The following DHRS4L2 variants were observed in gnomAD, a reference collection of about 807,000 sequenced individuals.
The protein encoded by DHRS4L2 is dehydrogenase/reductase 4 like 2, also known as dehydrogenase/reductase SDR family member 4-like 2.
A neutral mutation model predicts 23.9 loss-of-function variants in DHRS4L2; 22 were observed. The ratio of observed to expected loss-of-function variants is 0.92; its 90% CI spans 0.66 to 1.31. The LOEUF is 1.31. DHRS4L2 is among the 40% of genes most tolerant of loss of function. The pLI is 0.00. For synonymous variants in DHRS4L2, 141 were observed against 123.7 expected (o/e 1.14, Z -0.93); for missense variants, 385 against 303.3 (o/e 1.27, Z -2.00).
intron 1 of DHRS4L2, among the ~76,000 whole-genome samples, chr14:23,972,528 G>C (rs1227490857): frequency 6.6e-6 from 1 of 151,948 alleles, no homozygotes; most frequent in Non-Finnish European, 1.5e-5. Context: ...AAAGAACAAA[G>C]CTTCCACAGT....
At chr14:23,984,140 T>G (rs1594458353), upstream of DHRS4L2, among the ~76,000 whole-genome samples, 1 of 151,726 alleles carries the variant, frequency 6.6e-6, no homozygotes, top group South Asian at 2.1e-4. Flanking sequence ...TAATCTCATT[T>G]GTGGAAACAA....
chr14:24,001,957 C>CTTGT (rs2034497756), intron 6 of DHRS4L2, among the ~76,000 whole-genome samples: 3 of 5,516 alleles, frequency 5.4e-4, no homozygotes, highest in Admixed American at 5.2e-3. Context: ...CTTTCCTCTT[C>CTTGT]TTTTTTTTTT....
chr14:23,979,243 C>T (rs928293568), intron 1 of DHRS4L2, among the ~76,000 whole-genome samples: 1 of 147,820 alleles, frequency 6.8e-6, no homozygotes, highest in African/African-American at 2.5e-5. Flanking sequence ...GAAGAGCTAA[C>T]TATCCTAAAT....
chr14:23,995,177 A>G (rs777997006), intron 3 of DHRS4L2, 44 bp downstream of exon 3: 2 of 1,597,508 alleles, frequency 1.3e-6, no homozygotes, highest in East Asian at 2.2e-5. Flanking sequence ...CTCGGGACAC[A>G]TTCAGCACAA....
At chr14:23,994,581 G>A (rs1301501340) in intron 2 of DHRS4L2, among the ~76,000 whole-genome samples, 1 of 151,416 alleles carries the variant, frequency 6.6e-6, no homozygotes, top group Non-Finnish European at 1.5e-5. Context: ...TCAACTACTT[G>A]GGGGGCTGAG....
chr14:23,996,283 T>G (rs1287257236), intron 3 of DHRS4L2, among the ~76,000 whole-genome samples: 1 of 151,364 alleles, frequency 6.6e-6, no homozygotes, highest in African/African-American at 2.4e-5. Context: ...ACTTACCAAC[T>G]ATATCAGGTG....
intron 1 of DHRS4L2, among the ~76,000 whole-genome samples, chr14:23,972,249 T>C (rs1017623205): frequency 6.6e-5 from 10 of 151,992 alleles, no homozygotes; most frequent in African/African-American, 7.2e-5. Context: ...TGTTCAGACA[T>C]GTTCAGAGTT....
At chr14:23,971,128 C>G (rs1015887947) in intron 1 of DHRS4L2, among the ~76,000 whole-genome samples, 2 of 152,016 alleles carry the variant, frequency 1.3e-5, no homozygotes, top group African/African-American at 4.8e-5. Context: ...AGCAAGGGAA[C>G]AAAACTGGAT....
upstream of DHRS4L2, among the ~76,000 whole-genome samples, chr14:23,987,497 G>T (rs1339391179): frequency 6.6e-6 from 1 of 151,538 alleles, no homozygotes. Context: ...GAGCAAACAT[G>T]AATTCTATTC....
chr14:23,977,718 A>C (rs1028549722), intron 1 of DHRS4L2, among the ~76,000 whole-genome samples: 10 of 151,688 alleles, frequency 6.6e-5, no homozygotes, highest in African/African-American at 2.2e-4. Context: ...AGAGAGAATT[A>C]AATGACATCA....
At chr14:23,992,482 C>T (rs1227453461) in intron 2 of DHRS4L2, among the ~76,000 whole-genome samples, 1 of 151,342 alleles carries the variant, frequency 6.6e-6, no homozygotes, top group Non-Finnish European at 1.5e-5. Flanking sequence ...AAGCCACTGC[C>T]CTGAGAATGG....
chr14:23,999,367 A>AAAAAAAAAAAAAAAAAAC (rs1555330042), intron 3 of DHRS4L2, among the ~76,000 whole-genome samples: 1 of 116,774 alleles, frequency 8.6e-6, no homozygotes, highest in South Asian at 3.2e-4. Flanking sequence ...AAAAAAAAAA[A>AAAAAAAAAAAAAAAAAAC]AAAAAAACAA....
At chr14:23,974,083 G>C (rs1216349474) in intron 1 of DHRS4L2, among the ~76,000 whole-genome samples, 1 of 151,728 alleles carries the variant, frequency 6.6e-6, no homozygotes, top group African/African-American at 2.4e-5. Context: ...TAGAACTCAG[G>C]ACTGAAAAAC....
Position 24,006,177 on chromosome 14 carries a change from CCTG to C in DHRS4L2, c.*318_*320del, listed in dbSNP as rs2034575316. The C allele has an allele frequency of 7.6e-7, 1 of 1,312,946 alleles. No individual in the cohort carries two copies. Among genetic ancestry groups the C allele is most frequent in the African/African-American group, 1.5e-5 (1 of 64,948 alleles). The allele number at this position is 1,312,946 out of a possible 1,614,324, so 81.3% of individuals were successfully genotyped here. ...TCAAGGTGGCGTCTTACTCGGGATTCCTGCTGTTGTTGTGGCCTTGGGTAAAGG... is the reference window on the plus strand; with the variant it reads ...TCAAGGTGGCGTCTTACTCGGGATTCCTGTTGTTGTGGCCTTGGGTAAAGG... On this transcript the variant is annotated 3_prime_UTR_variant, in exon 8 of 8. Coordinates refer to ENST00000335125, the MANE Select transcript of DHRS4L2 (RefSeq NM_198083.4).
chr14:23,970,596 G>T (rs2033835016), intron 1 of DHRS4L2, among the ~76,000 whole-genome samples: 1 of 152,086 alleles, frequency 6.6e-6, no homozygotes, highest in African/African-American at 2.4e-5. Context: ...GTCCTTGCCT[G>T]ACATCTCTAA....
intron 3 of DHRS4L2, among the ~76,000 whole-genome samples, chr14:23,997,884 G>T (rs562484266): frequency 6.6e-6 from 1 of 151,900 alleles, no homozygotes; most frequent in African/African-American, 2.4e-5. Flanking sequence ...CTAAAATGGT[G>T]CATCCTTTAC....
At chr14:23,971,686 A>AG (rs2033860547) in intron 1 of DHRS4L2, among the ~76,000 whole-genome samples, 1 of 152,060 alleles carries the variant, frequency 6.6e-6, no homozygotes, top group Admixed American at 6.5e-5. Context: ...ACATTCTGAA[A>AG]GAAAAGATTT....
At position 23,994,571 on chromosome 14, in the gene DHRS4L2, T is replaced by C. The variant is rs1378106256; in HGVS notation, c.307-461T>C. On this transcript the variant is annotated intron_variant, in intron 2 of 7. Transcript: ENST00000335125. Reference sequence around the variant, plus strand: ...GGTGTGGTGGCACGCACTTCTACTCTCAACTACTTGGGGGGCTGAGCCAAG... The same window carrying C: ...GGTGTGGTGGCACGCACTTCTACTCCCAACTACTTGGGGGGCTGAGCCAAG... 1.5e-3 allele frequency among the ~76,000 whole-genome samples: 225 copies of C among 150,920 alleles called. 2 individuals carry two copies. The highest frequency in any genetic ancestry group is 3.7e-3 in the African/African-American group (152 of 40,916).
Position 24,001,023 on chromosome 14 carries a change from C to G in DHRS4L2, c.480-10C>G, listed in dbSNP as rs1594476587. 1 of 1,611,532 alleles carries G rather than the reference C, an allele frequency of 6.2e-7. No individual in the cohort carries two copies. Among genetic ancestry groups the G allele is most frequent in the Non-Finnish European group, 8.5e-7 (1 of 1,179,504 alleles). ...CACTGGGAAGACGGTCAGCTCTCTT[C>G]TTTTTCCAGAGGCGGCTCAGTGGTG... On this transcript the variant is annotated splice_polypyrimidine_tract_variant and intron_variant, in intron 4 of 7. Coordinates refer to ENST00000335125, the MANE Select transcript of DHRS4L2 (RefSeq NM_198083.4).
Sources: allele counts gnomAD v4.1 joint callset (sites outside exome capture counted in the v4.1 genomes callset), GRCh38; gene constraint gnomAD v4.1.1; transcripts MANE v1.5; gene names NCBI Gene and HGNC (gene_info 2026-07-23, HGNC 2026-07-21).